SMG1: variants seen among roughly 807,000 people sequenced by gnomAD.
SMG1 encodes serine/threonine-protein kinase SMG1.
A neutral mutation model predicts 419.9 loss-of-function variants in SMG1; 22 were observed. That is an observed-to-expected ratio of 0.05 (90% CI 0.04 to 0.07). The LOEUF (loss-of-function observed/expected upper bound fraction) is 0.07, where lower values mean the gene tolerates loss of function less well. SMG1 is among the 10% of genes least tolerant of loss of function. The probability of loss-of-function intolerance (pLI) is 1.00; values close to 1 mark genes in which losing one functional copy is unlikely to be tolerated. For missense variants in SMG1, 3,185 were observed against 4,342.0 expected (o/e 0.73, Z 7.49); for synonymous variants, 1,538 against 1,553.5 (o/e 0.99, Z 0.23).
At chr16:18,832,743 T>G (rs1024128739) in intron 51 of SMG1, among the ~76,000 whole-genome samples, 197 bp downstream of exon 51, 2 of 151,896 alleles carry the variant, frequency 1.3e-5, no homozygotes, top group Non-Finnish European at 2.9e-5. Context: ...TGCCTGCACT[T>G]TTTTTTTAAG....
chr16:18,907,351 C>CATTT (rs908844261), intron 1 of SMG1, among the ~76,000 whole-genome samples: 24 of 151,742 alleles, frequency 1.6e-4, no homozygotes, highest in Non-Finnish European at 2.4e-4. Context: ...TTTCTCCTTG[C>CATTT]ATTTATTTAT....
chr16:18,864,390 G>T, intron 23 of SMG1, among the ~76,000 whole-genome samples: 1 of 151,770 alleles, frequency 6.6e-6, no homozygotes, highest in Non-Finnish European at 1.5e-5. Flanking sequence ...TAGAGACGGG[G>T]TTTCACCGTG....
chr16:18,878,636 A>G (rs1262695620), intron 11 of SMG1: 1 of 152,454 alleles, frequency 6.6e-6, no homozygotes, highest in African/African-American at 2.4e-5. Context: ...GAAAAGAAAA[A>G]AAAGAAAGAA....
chr16:18,922,258 T>A (rs1300859587), intron 1 of SMG1, among the ~76,000 whole-genome samples: 1 of 152,200 alleles, frequency 6.6e-6, no homozygotes, highest in African/African-American at 2.4e-5. Context: ...AGACTTTAGC[T>A]ATTGGCAATG....
At chr16:18,820,539 A>G (rs1460270145) in intron 55 of SMG1, among the ~76,000 whole-genome samples, 1 of 152,220 alleles carries the variant, frequency 6.6e-6, no homozygotes, top group East Asian at 1.9e-4. Context: ...CATCCAGATT[A>G]TCATGACGAG....
rs2031121040 is a variant in SMG1 at position 18,809,039 on chromosome 16, TAGCC to T, written c.*526_*529del. 6.5e-6 allele frequency: 1 copy of T among 154,402 alleles called. No homozygotes were observed. The highest frequency in any genetic ancestry group is 1.9e-4 in the East Asian group (1 of 5,234). The allele number at this position is 154,402 out of a possible 1,614,324, so 9.6% of individuals were successfully genotyped here. A position where few individuals can be genotyped will look rare whatever the true frequency, so the allele number is the denominator to read the frequency against. On this transcript the variant is annotated 3_prime_UTR_variant, in exon 63 of 63. Coordinates refer to ENST00000446231, the MANE Select transcript of SMG1 (RefSeq NM_015092.5). ...TCTGAAATTCATATCGCATAGCCTT[TAGCC>T]TTTTTCTACTTACTGGTCAACCCAA...
intron 55 of SMG1, among the ~76,000 whole-genome samples, chr16:18,820,707 T>A (rs190493700): frequency 6.6e-6 from 1 of 152,230 alleles, no homozygotes; most frequent in African/African-American, 2.4e-5. Context: ...AAACACATCT[T>A]TTCTCTGACC....
Position 18,816,439 on chromosome 16 carries a change from T to C in SMG1, c.10165A>G (p.Ile3389Val). The change falls in exon 58 of 63, where the codon ATT (isoleucine) becomes GTT (valine). Residue 3389 changes from isoleucine (I) to valine (V), a missense_variant. Physicochemically the swap from Ile to Val is conservative, Grantham distance 29. Around this residue, in one of 27 missense-constraint regions of SMG1, gnomAD observed 737 missense variants for 846.6 expected, o/e 0.87. Transcript: ENST00000446231. ...LTQDMSTQRA[I>V]QTEKEQQIET... ...ATCTGCTGCTCTTTCTCTGTCTGAA[T>C]TGCCCTCTGAGTAGACATATCCTGG... 2.5e-6 allele frequency: 4 copies of C among 1,613,968 alleles called. No individual in the cohort carries two copies. Among genetic ancestry groups the C allele is most frequent in the Non-Finnish European group, 3.4e-6 (4 of 1,179,864 alleles).
chr16:18,850,021 C>A lies in SMG1; in HGVS notation c.5389G>T (p.Val1797Leu). Residue 1797 changes from valine (V) to leucine (L), a missense_variant, in exon 35 of 63, where the codon GTG (valine) becomes TTG (leucine). Physicochemically the swap from Val to Leu is conservative, Grantham distance 32. This residue lies in a region of SMG1 where 493 missense variants were observed against 552.9 expected (regional missense o/e 0.89). Transcript: ENST00000446231. ...MATLRLLRLL[V>L]KHAGELRQYL... The stretch of plus-strand genomic sequence containing the variant: ...TGCCGAAGCTCACCAGCATGCTTCA[C>A]GAGCAACCGCAGCAGGCGCAATGTG... 1 of 1,613,986 alleles carries A rather than the reference C, an allele frequency of 6.2e-7. No individual in the cohort carries two copies. The highest frequency in any genetic ancestry group is 8.5e-7 in the Non-Finnish European group (1 of 1,179,898).
intron 3 of SMG1, among the ~76,000 whole-genome samples, chr16:18,892,669 G>GT (rs2036937203): frequency 6.6e-6 from 1 of 152,082 alleles, no homozygotes; most frequent in Non-Finnish European, 1.5e-5. Flanking sequence ...TGAGGCGGAG[G>GT]TTGCAGTGAG....
At position 18,829,590 on chromosome 16, in the gene SMG1, T is replaced by C. The variant is rs1222167638; in HGVS notation, c.9299A>G (p.Gln3100Arg). Residue 3100 changes from glutamine (Q) to arginine (R), a missense_variant, in exon 54 of 63, where the codon CAA becomes CGA. Around this residue, in one of 27 missense-constraint regions of SMG1, gnomAD observed 737 missense variants for 846.6 expected, o/e 0.87. Coordinates refer to ENST00000446231, the MANE Select transcript of SMG1 (RefSeq NM_015092.5). ...VRQLLIGLPN[Q>R]ALGLTLCSFI... ...ACTGCACAGTGTGAGTCCGAGGGCT[T>C]GGTTGGGTAGCCCTATCAAGAGCTG... 6.2e-7 allele frequency: 1 copy of C among 1,613,874 alleles called. No individual in the cohort carries two copies. The highest frequency in any genetic ancestry group is 8.5e-7 in the Non-Finnish European group (1 of 1,179,900).
intron 29 of SMG1, 115 bp downstream of exon 29, chr16:18,858,055 C>T (rs2035012147): frequency 5.2e-6 from 4 of 764,274 alleles, no homozygotes; most frequent in South Asian, 2.2e-5. Context: ...CAAGTGAAGA[C>T]ATGTTAGAAC....
chr16:18,869,750 T>C (rs2035710928), intron 19 of SMG1, 104 bp downstream of exon 19: 22 of 915,350 alleles, frequency 2.4e-5, no homozygotes, highest in Middle Eastern at 3.3e-4. Flanking sequence ...TGTTACTTGA[T>C]ACTCTGCCAC....
intron 29 of SMG1, chr16:18,857,373 A>G (rs1286082171): frequency 2.0e-5 from 3 of 152,218 alleles, no homozygotes; most frequent in Non-Finnish European, 4.4e-5. Flanking sequence ...AGTATTTAAA[A>G]CTCAATATTC....
intron 29 of SMG1, among the ~76,000 whole-genome samples, 194 bp from the exon 30 acceptor site, chr16:18,855,098 T>C (rs183963564): frequency 2.7e-3 from 418 of 152,356 alleles, no homozygotes; most frequent in Non-Finnish European, 4.5e-3. Context: ...ATTAAATGTA[T>C]ACAATGAAGT....
At chr16:18,833,187 A>T (rs748927056) in intron 50 of SMG1, 21 bp from the exon 51 acceptor site, 3 of 1,599,092 alleles carry the variant, frequency 1.9e-6, no homozygotes, top group Non-Finnish European at 8.5e-7. Flanking sequence ...ATGAGAAAAA[A>T]ACTTTTAATG....
rs758495597 is a variant in SMG1 at position 18,828,185 on chromosome 16, A to C, written c.9604-17T>G. On this transcript the variant is annotated splice_polypyrimidine_tract_variant and intron_variant, in intron 54 of 62. Transcript: ENST00000446231. The stretch of plus-strand genomic sequence containing the variant: ...ATGTTGCCACTGTTGAGAGAAAAAG[A>C]AATGTATTAAAATCAGCAGGAAAAA... The C allele has an allele frequency of 3.1e-6, 5 of 1,609,764 alleles. No homozygotes were observed. Among genetic ancestry groups the C allele is most frequent in the Non-Finnish European group, 4.2e-6 (5 of 1,177,038 alleles).
chr16:18,807,720 TAA>T lies in SMG1; in HGVS notation c.*1847_*1848del, dbSNP rs1037378221. The T allele has an allele frequency of 1.5e-4, 23 of 152,144 alleles. No individual in the cohort carries two copies. The highest frequency in any genetic ancestry group is 5.3e-4 in the African/African-American group (22 of 41,438). 9.4% of individuals were successfully genotyped at this position (152,144 alleles called of 1,614,324 possible). ...AGAAAGTGACCACTGTCCTAATCTC[TAA>T]AATGCAGGGAAAATGTACTCAAACA... On this transcript the variant is annotated 3_prime_UTR_variant, in exon 63 of 63. Coordinates refer to ENST00000446231, the MANE Select transcript of SMG1 (RefSeq NM_015092.5).
At chr16:18,863,449 C>G (rs2035314777) in intron 25 of SMG1, among the ~76,000 whole-genome samples, 1 of 152,228 alleles carries the variant, frequency 6.6e-6, no homozygotes, top group Admixed American at 6.5e-5. Flanking sequence ...AAATGACTAT[C>G]TCAGCAGTGT....
Sources: allele counts gnomAD v4.1 joint callset (sites outside exome capture counted in the v4.1 genomes callset), GRCh38; gene constraint gnomAD v4.1.1; regional missense constraint gnomAD v4.1.1; transcripts MANE v1.5; gene names NCBI Gene and HGNC (gene_info 2026-07-23, HGNC 2026-07-21).